AK5: variants seen among roughly 807,000 people sequenced by gnomAD.
AK5 encodes adenylate kinase 5, also known as adenylate kinase isoenzyme 5.
In AK5, 27 loss-of-function variants were observed where a neutral mutation model predicts 69.5. The observed-to-expected ratio is 0.39, with a 90% confidence interval of 0.29 to 0.54. The LOEUF (loss-of-function observed/expected upper bound fraction) is 0.54, where lower values mean the gene tolerates loss of function less well. Ranked by LOEUF, AK5 falls within the 20% of genes least tolerant of loss-of-function variation. The probability of loss-of-function intolerance (pLI) is 0.71; values close to 1 mark genes in which losing one functional copy is unlikely to be tolerated. For synonymous variants in AK5, 260 were observed against 244.4 expected (o/e 1.06, Z -0.60); for missense variants, 531 against 700.4 (o/e 0.76, Z 2.73).
chr1:77,459,407 C>CCCA (rs986683240), intron 8 of AK5, among the ~76,000 whole-genome samples: 3 of 152,062 alleles, frequency 2.0e-5, no homozygotes, highest in Admixed American at 6.6e-5. Context: ...CTCTGTGTGC[C>CCCA]CCACCACCAC....
intron 8 of AK5, among the ~76,000 whole-genome samples, chr1:77,461,288 C>T (rs1255086572): frequency 2.0e-5 from 3 of 151,442 alleles, no homozygotes; most frequent in Non-Finnish European, 2.9e-5. Context: ...CCACCTCGAC[C>T]TCCCAAAGTG....
intron 8 of AK5, among the ~76,000 whole-genome samples, chr1:77,422,854 T>C (rs1650907854): frequency 6.6e-6 from 1 of 152,212 alleles, no homozygotes; most frequent in African/African-American, 2.4e-5. Flanking sequence ...GTGATGTTTT[T>C]ATGCCTTACT....
At chr1:77,443,124 C>A (rs906536880) in intron 8 of AK5, among the ~76,000 whole-genome samples, 2 of 150,006 alleles carry the variant, frequency 1.3e-5, no homozygotes, top group African/African-American at 4.9e-5. Flanking sequence ...AATTTCCTGC[C>A]ACTGAACTCC....
intron 7 of AK5, among the ~76,000 whole-genome samples, chr1:77,414,812 G>A (rs1047002651): frequency 6.6e-6 from 1 of 152,050 alleles, no homozygotes; most frequent in African/African-American, 2.4e-5. Flanking sequence ...ATTATCCAAC[G>A]AAAGAAGGCA....
chr1:77,484,196 T>C (rs1655447573), intron 9 of AK5, among the ~76,000 whole-genome samples: 1 of 151,288 alleles, frequency 6.6e-6, no homozygotes, highest in Non-Finnish European at 1.5e-5. Context: ...AAGTAAAAAT[T>C]CCACCCATAA....
Position 77,291,731 on chromosome 1 carries a change from T to C in AK5, c.248-2062T>C, listed in dbSNP as rs968613412. On this transcript the variant is annotated intron_variant, in intron 2 of 13. Transcript: ENST00000354567. ...GTTCTAGATCCCAGGGATACAGAGCTCCAGACCGTAGGTAAGGCCCCTGCT... is the reference window on the plus strand; with the variant it reads ...GTTCTAGATCCCAGGGATACAGAGCCCCAGACCGTAGGTAAGGCCCCTGCT... Among the ~76,000 whole-genome samples the C allele has an allele frequency of 5.3e-5, 8 of 152,288 alleles. No homozygotes were observed. In the South Asian group the frequency reaches 6.2e-4, roughly 12 times the overall value.
intron 2 of AK5, among the ~76,000 whole-genome samples, chr1:77,289,305 T>C (rs944365606): frequency 2.0e-5 from 3 of 152,158 alleles, no homozygotes; most frequent in Non-Finnish European, 2.9e-5. Context: ...CTTAATACAT[T>C]ACTGCTTTAG....
At chr1:77,471,159 G>C (rs1654486009) in intron 8 of AK5, among the ~76,000 whole-genome samples, 1 of 151,936 alleles carries the variant, frequency 6.6e-6, no homozygotes, top group East Asian at 1.9e-4. Context: ...TGGAATTACA[G>C]GCGTGAGCCA....
chr1:77,288,288 G>T (rs552410537), intron 2 of AK5, among the ~76,000 whole-genome samples: 23 of 152,158 alleles, frequency 1.5e-4, no homozygotes, highest in Non-Finnish European at 2.8e-4. Flanking sequence ...AATTTGAGAC[G>T]TATAATAGTA....
intron 12 of AK5, among the ~76,000 whole-genome samples, chr1:77,524,080 A>G (rs1026918746): frequency 6.6e-6 from 1 of 152,182 alleles, no homozygotes; most frequent in African/African-American, 2.4e-5. Context: ...AAATGTCCAC[A>G]AGGTTCATTA....
chr1:77,351,256 A>T (rs773795930), intron 6 of AK5, among the ~76,000 whole-genome samples: 1 of 152,046 alleles, frequency 6.6e-6, no homozygotes, highest in Non-Finnish European at 1.5e-5. Context: ...TTAGTTGGGC[A>T]TGGTGGTGCA....
At chr1:77,333,968 C>T (rs1209682672) in intron 5 of AK5, among the ~76,000 whole-genome samples, 2 of 152,140 alleles carry the variant, frequency 1.3e-5, no homozygotes, top group South Asian at 2.1e-4. Context: ...TTTGTAAATA[C>T]CACAAGATAC....
At chr1:77,482,687 T>C (rs117870195) in intron 8 of AK5, among the ~76,000 whole-genome samples, 1,540 of 151,690 alleles carry the variant, frequency 0.01, 33 homozygotes, top group East Asian at 0.078. Flanking sequence ...GCCCAAGTTG[T>C]TTGAACCCGG....
intron 8 of AK5, among the ~76,000 whole-genome samples, chr1:77,481,499 A>C (rs1261406131): frequency 6.6e-6 from 1 of 152,338 alleles, no homozygotes; most frequent in East Asian, 1.9e-4. Context: ...TGCACAGGCA[A>C]CTCTAAGAAG....
chr1:77,325,144 A>T, intron 5 of AK5, among the ~76,000 whole-genome samples: 1 of 145,792 alleles, frequency 6.9e-6, no homozygotes. Flanking sequence ...TGCCTGGCTA[A>T]TTTTTGTAGG....
At chr1:77,464,327 A>G (rs1157493770) in intron 8 of AK5, among the ~76,000 whole-genome samples, 1 of 152,106 alleles carries the variant, frequency 6.6e-6, no homozygotes, top group Non-Finnish European at 1.5e-5. Context: ...AAGGGTGCCA[A>G]CTTCCCCGAG....
chr1:77,503,557 A>G (rs994547998), intron 10 of AK5, among the ~76,000 whole-genome samples: 2 of 152,226 alleles, frequency 1.3e-5, no homozygotes, highest in Non-Finnish European at 2.9e-5. Flanking sequence ...AGCTCACCTT[A>G]TGGTTAAACT....
At chr1:77,408,228 C>T (rs549132058) in intron 6 of AK5, among the ~76,000 whole-genome samples, 1 of 152,272 alleles carries the variant, frequency 6.6e-6, no homozygotes, top group South Asian at 2.1e-4. Context: ...TCCACAGTGG[C>T]TGAACTAATT....
intron 10 of AK5, among the ~76,000 whole-genome samples, chr1:77,510,342 A>G (rs1360854707): frequency 2.0e-5 from 3 of 152,206 alleles, no homozygotes; most frequent in Non-Finnish European, 4.4e-5. Flanking sequence ...TTGGTGTTAC[A>G]GAGTCAAAGG....
Sources: allele counts gnomAD v4.1 joint callset (sites outside exome capture counted in the v4.1 genomes callset), GRCh38; gene constraint gnomAD v4.1.1; transcripts MANE v1.5; gene names NCBI Gene and HGNC (gene_info 2026-07-23, HGNC 2026-07-21).